ERC1: variants seen among roughly 807,000 people sequenced by gnomAD.
The protein encoded by ERC1 is ELKS/RAB6-interacting/CAST family member 1, also known as RAB6 interacting protein 2.
ERC1 carries 56 observed loss-of-function variants against 132.0 expected under a neutral mutation model. That is an observed-to-expected ratio of 0.42 (90% CI 0.34 to 0.53). The LOEUF (loss-of-function observed/expected upper bound fraction) is 0.53, where lower values mean the gene tolerates loss of function less well. Ranked by LOEUF, ERC1 falls within the 20% of genes least tolerant of loss-of-function variation. ERC1 has a pLI of 0.03. For synonymous variants in ERC1, 478 were observed against 476.1 expected (o/e 1.00, Z -0.05); for missense variants, 1,202 against 1,349.9 (o/e 0.89, Z 1.72).
At chr12:1,365,472 A>G (rs1464427428) in intron 15 of ERC1, among the ~76,000 whole-genome samples, 1 of 152,152 alleles carries the variant, frequency 6.6e-6, no homozygotes, top group Non-Finnish European at 1.5e-5. Flanking sequence ...TTATGAGCCT[A>G]CTCTGTGCTG....
intron 12 of ERC1, among the ~76,000 whole-genome samples, chr12:1,235,326 A>G (rs1473869079): frequency 2.0e-5 from 3 of 152,220 alleles, no homozygotes; most frequent in Non-Finnish European, 2.9e-5. Context: ...GCCACTGCAC[A>G]CTAGCCTTGG....
intron 12 of ERC1, among the ~76,000 whole-genome samples, chr12:1,196,641 A>T (rs964929675): frequency 6.6e-6 from 1 of 151,284 alleles, no homozygotes; most frequent in Non-Finnish European, 1.5e-5. Context: ...CCACAGGCAC[A>T]CACCACCATG....
At chr12:1,270,134 A>T (rs1470906881) in intron 14 of ERC1, among the ~76,000 whole-genome samples, 1 of 152,202 alleles carries the variant, frequency 6.6e-6, no homozygotes, top group Non-Finnish European at 1.5e-5. Flanking sequence ...ATTCCTATCC[A>T]TTTATATGAT....
In ERC1 at chr12:1,149,119, T is replaced by G. The variant is rs574667589; in HGVS notation, c.1737+7332T>G. On this transcript the variant is annotated intron_variant, in intron 8 of 18. Transcript: ENST00000360905. ...ATGAATACCGTAGGTTTAGAGAAGT[T>G]TAAAGTTCTCAAGGGATCTATGTAT... is the stretch of plus-strand genomic sequence containing the variant. Among the ~76,000 whole-genome samples the G allele has an allele frequency of 5.9e-5, 9 of 152,208 alleles. No individual in the cohort carries two copies. In the East Asian group the frequency reaches 1.7e-3, roughly 29 times the overall value.
intron 15 of ERC1, among the ~76,000 whole-genome samples, chr12:1,306,527 A>T (rs1594896280): frequency 6.6e-6 from 1 of 152,218 alleles, no homozygotes; most frequent in African/African-American, 2.4e-5. Context: ...TTGTAGTTTT[A>T]TTTTATTGGC....
chr12:1,487,914 G>A (rs577255824), intron 18 of ERC1, among the ~76,000 whole-genome samples: 3 of 152,122 alleles, frequency 2.0e-5, no homozygotes, highest in East Asian at 3.9e-4. Flanking sequence ...CGAGGCGGGC[G>A]GATCACAAGG....
At chr12:1,130,148 G>A (rs910922720) in intron 7 of ERC1, among the ~76,000 whole-genome samples, 11 of 152,274 alleles carry the variant, frequency 7.2e-5, no homozygotes, top group African/African-American at 2.6e-4. Flanking sequence ...TTCTACAGTG[G>A]CAAAATGAAA....
intron 18 of ERC1, among the ~76,000 whole-genome samples, chr12:1,472,085 G>A (rs2093873953): frequency 1.3e-5 from 2 of 152,208 alleles, no homozygotes; most frequent in Non-Finnish European, 1.5e-5. Context: ...TTTGGGTGTA[G>A]CATTTGTAGG....
chr12:1,153,376 G>C (rs1043426132), intron 8 of ERC1, among the ~76,000 whole-genome samples: 1 of 152,202 alleles, frequency 6.6e-6, no homozygotes, highest in Non-Finnish European at 1.5e-5. Flanking sequence ...TTGGTATTTT[G>C]ACTCTTTTTA....
At chr12:1,333,330 ATTTTTTTTTT>A (rs36055111) in intron 15 of ERC1, among the ~76,000 whole-genome samples, 1 of 110,724 alleles carries the variant, frequency 9.0e-6, no homozygotes, top group Non-Finnish European at 1.8e-5. Context: ...TATGTACCGC[ATTTTTTTTTT>A]TTTTTTTTTT....
intron 7 of ERC1, among the ~76,000 whole-genome samples, chr12:1,136,332 C>G (rs149569709): frequency 6.6e-6 from 1 of 152,302 alleles, no homozygotes; most frequent in East Asian, 1.9e-4. Flanking sequence ...CATTATCTTC[C>G]TCACCAGCCA....
intron 2 of ERC1, among the ~76,000 whole-genome samples, chr12:1,049,277 G>A (rs954452768): frequency 6.6e-6 from 1 of 152,326 alleles, no homozygotes; most frequent in African/African-American, 2.4e-5. Flanking sequence ...GAATAGTGCA[G>A]GATTGGCAAA....
chr12:1,297,726 A>C (rs1421569989), intron 15 of ERC1, among the ~76,000 whole-genome samples: 2 of 151,694 alleles, frequency 1.3e-5, no homozygotes, highest in South Asian at 2.1e-4. Flanking sequence ...AAAAAAAAAA[A>C]AAACACAGAC....
rs2154140709 is a variant in ERC1 at position 1,013,964 on chromosome 12, C to T, written c.-156-13784C>T. Among the ~76,000 whole-genome samples the T allele has an allele frequency of 2.0e-5, 3 of 151,624 alleles. No individual in the cohort carries two copies. In the Middle Eastern group the frequency reaches 0.01, roughly 516 times the overall value. The stretch of plus-strand genomic sequence containing the variant: ...TTGCCCAGGCTGATCTGAAGTGATC[C>T]TTTCGCCTTGGCTTCCCGAAGTGTT... On this transcript the variant is annotated intron_variant, in intron 1 of 18. Transcript: ENST00000360905.
chr12:1,153,948 G>A (rs943655199), intron 8 of ERC1, among the ~76,000 whole-genome samples: 1 of 152,068 alleles, frequency 6.6e-6, no homozygotes, highest in African/African-American at 2.4e-5. Context: ...CCTGAATAAT[G>A]TACATTGTAT....
intron 8 of ERC1, among the ~76,000 whole-genome samples, 181 bp downstream of exon 8, chr12:1,141,968 T>G (rs1299624332): frequency 6.6e-6 from 1 of 152,206 alleles, no homozygotes; most frequent in Non-Finnish European, 1.5e-5. Context: ...ATATATTCAG[T>G]TTTTAAAAAT....
intron 2 of ERC1, among the ~76,000 whole-genome samples, chr12:1,033,020 G>A (rs976878235): frequency 1.3e-4 from 19 of 151,468 alleles, no homozygotes; most frequent in African/African-American, 4.6e-4. Context: ...TTACAGGTGT[G>A]TGCCACCATG....
chr12:1,036,434 G>C (rs1490819653), intron 2 of ERC1, among the ~76,000 whole-genome samples: 6 of 151,342 alleles, frequency 4.0e-5, no homozygotes, highest in Admixed American at 1.3e-4. Flanking sequence ...GAGTGCAATG[G>C]TGCGATCTCG....
At chr12:1,353,764 T>C (rs1200650043) in intron 15 of ERC1, among the ~76,000 whole-genome samples, 2 of 152,234 alleles carry the variant, frequency 1.3e-5, no homozygotes, top group Non-Finnish European at 2.9e-5. Flanking sequence ...CTCTTTCCAC[T>C]TGTTTACTGC....
Sources: allele counts gnomAD v4.1 joint callset (sites outside exome capture counted in the v4.1 genomes callset), GRCh38; gene constraint gnomAD v4.1.1; transcripts MANE v1.5; gene names NCBI Gene and HGNC (gene_info 2026-07-23, HGNC 2026-07-21).